Variants in CNTNAP5 observed in about 807,000 individuals in gnomAD.
CNTNAP5 encodes the protein contactin associated protein family member 5, also known as contactin-associated protein-like 5.
CNTNAP5 carries 72 observed loss-of-function variants against 150.2 expected under a neutral mutation model. The ratio of observed to expected loss-of-function variants is 0.48; its 90% confidence interval spans 0.40 to 0.58. CNTNAP5 has a LOEUF of 0.58. Among genes scored for constraint, CNTNAP5 ranks in the 20% least tolerant of loss-of-function variants. The pLI is 0.00. For synonymous variants in CNTNAP5, 672 were observed against 619.8 expected (o/e 1.08, Z -1.25); for missense variants, 1,636 against 1,626.2 (o/e 1.01, Z -0.10).
intron 11 of CNTNAP5, among the ~76,000 whole-genome samples, chr2:124,599,636 A>G (rs1215376682): frequency 6.6e-6 from 1 of 152,208 alleles, no homozygotes; most frequent in African/African-American, 2.4e-5. Context: ...AAATAGAAGT[A>G]CCAGTGAGAT....
At chr2:124,528,732 T>G (rs996548396) in intron 10 of CNTNAP5, among the ~76,000 whole-genome samples, 3 of 152,084 alleles carry the variant, frequency 2.0e-5, no homozygotes, top group Admixed American at 2.0e-4. Flanking sequence ...CCAGTGGGAT[T>G]TGGTTTCATG....
chr2:124,449,334 A>AT (rs1438042135), intron 6 of CNTNAP5, among the ~76,000 whole-genome samples: 8 of 151,756 alleles, frequency 5.3e-5, no homozygotes, highest in Non-Finnish European at 1.0e-4. Context: ...GAAAAGAGAT[A>AT]TTTTTTATAA....
At chr2:124,337,619 A>T (rs1297379602) in intron 3 of CNTNAP5, among the ~76,000 whole-genome samples, 1 of 152,210 alleles carries the variant, frequency 6.6e-6, no homozygotes, top group African/African-American at 2.4e-5. Flanking sequence ...ATCACCGTTT[A>T]TTAAATAGGG....
At chr2:124,163,153 G>A (rs140775058) in intron 1 of CNTNAP5, among the ~76,000 whole-genome samples, 8 of 151,986 alleles carry the variant, frequency 5.3e-5, no homozygotes, top group South Asian at 2.1e-4. Context: ...CTTTCATTTC[G>A]CAATGGTGGA....
chr2:124,192,450 C>T (rs1685482095), intron 1 of CNTNAP5, among the ~76,000 whole-genome samples: 1 of 152,124 alleles, frequency 6.6e-6, no homozygotes, highest in South Asian at 2.1e-4. Context: ...TTTCCATGCT[C>T]CCCATGCCCT....
intron 18 of CNTNAP5, among the ~76,000 whole-genome samples, chr2:124,796,006 C>G (rs1681837895): frequency 6.6e-6 from 1 of 151,958 alleles, no homozygotes; most frequent in African/African-American, 2.4e-5. Context: ...GTTTTAGATG[C>G]TCAGATAACT....
Position 124,619,662 on chromosome 2 carries a change from A to G in CNTNAP5, c.1876+9742A>G, listed in dbSNP as rs547215000. ...CTCATCCAATCAGTTGAAGGCCTTA[A>G]TAGAACAAACACTAACCTCTCCCAA... On this transcript the variant is annotated intron_variant, in intron 12 of 23. Coordinates refer to ENST00000682447, the MANE Select transcript of CNTNAP5 (RefSeq NM_001367498.1). Among the ~76,000 whole-genome samples, 11 of 151,830 alleles carry G rather than the reference A, an allele frequency of 7.2e-5. No homozygotes were observed. The South Asian group carries it at 2.3e-3, about 32-fold the overall frequency.
At chr2:124,496,999 C>G (rs764348700) in intron 7 of CNTNAP5, among the ~76,000 whole-genome samples, 1 of 152,188 alleles carries the variant, frequency 6.6e-6, no homozygotes, top group Non-Finnish European at 1.5e-5. Flanking sequence ...CCAGGTGACT[C>G]AAGGTCAGAC....
At chr2:124,776,368 C>T (rs1020326358) in intron 17 of CNTNAP5, among the ~76,000 whole-genome samples, 1 of 152,038 alleles carries the variant, frequency 6.6e-6, no homozygotes, top group Non-Finnish European at 1.5e-5. Context: ...GGGGAAAATA[C>T]TACACTGACT....
intron 3 of CNTNAP5, among the ~76,000 whole-genome samples, chr2:124,287,835 T>C (rs563247357): frequency 6.6e-6 from 1 of 152,298 alleles, no homozygotes; most frequent in South Asian, 2.1e-4. Context: ...AGCTACATCT[T>C]TTTTGCTTTA....
In CNTNAP5 at chr2:124,857,674, G is replaced by A. The variant is rs1278740143; in HGVS notation, c.3218-7632G>A. On this transcript the variant is annotated intron_variant, in intron 19 of 23. Coordinates refer to ENST00000682447, the MANE Select transcript of CNTNAP5 (RefSeq NM_001367498.1). ...AACCCTGTCTCCACTAAAAAAAAAA[G>A]AAAAAAAAATGAATAGTTAGCTGGG... is the stretch of plus-strand genomic sequence containing the variant. Among the ~76,000 whole-genome samples the A allele has an allele frequency of 1.7e-4, 26 of 149,776 alleles. No homozygotes were observed. In the South Asian group the frequency reaches 4.3e-3, roughly 25 times the overall value.
At chr2:124,034,973 C>T (rs1236190935) in intron 1 of CNTNAP5, among the ~76,000 whole-genome samples, 1 of 151,798 alleles carries the variant, frequency 6.6e-6, no homozygotes, top group Admixed American at 6.6e-5. Context: ...GTTATTAAGA[C>T]ATGTTATCCA....
chr2:124,444,514 G>A (rs1692761782), intron 5 of CNTNAP5, among the ~76,000 whole-genome samples: 1 of 152,120 alleles, frequency 6.6e-6, no homozygotes, highest in African/African-American at 2.4e-5. Flanking sequence ...AGAATCGCTT[G>A]AACCCAGGAG....
chr2:124,489,698 T>G (rs1251153903), intron 7 of CNTNAP5, among the ~76,000 whole-genome samples: 1 of 152,230 alleles, frequency 6.6e-6, no homozygotes, highest in South Asian at 2.1e-4. Flanking sequence ...GGTATCCAGA[T>G]CCTTCTGACC....
At chr2:124,872,735 GC>G (rs1339162382) in intron 21 of CNTNAP5, among the ~76,000 whole-genome samples, 1 of 151,684 alleles carries the variant, frequency 6.6e-6, no homozygotes, top group Non-Finnish European at 1.5e-5. Context: ...GGACCACAAA[GC>G]CCAGACCTTT....
chr2:124,124,680 A>T (rs1344274044), intron 1 of CNTNAP5, among the ~76,000 whole-genome samples: 3 of 152,230 alleles, frequency 2.0e-5, no homozygotes, highest in Non-Finnish European at 2.9e-5. Flanking sequence ...CGGGTTACCC[A>T]CAAAGGGAAG....
intron 3 of CNTNAP5, among the ~76,000 whole-genome samples, chr2:124,401,398 A>G (rs1183834346): frequency 6.6e-6 from 1 of 152,162 alleles, no homozygotes; most frequent in East Asian, 1.9e-4. Context: ...ACATAATATC[A>G]GTTGTCATAT....
intron 21 of CNTNAP5, among the ~76,000 whole-genome samples, chr2:124,902,436 A>AT (rs968495898): frequency 9.2e-5 from 14 of 152,054 alleles, no homozygotes; most frequent in Non-Finnish European, 1.3e-4. Flanking sequence ...CTACCTCTTT[A>AT]TTTTTTTTCT....
Position 124,914,235 on chromosome 2 carries a change from G to C in CNTNAP5, c.3871G>C (p.Glu1291Gln). The change falls in exon 24 of 24, where the codon GAA (glutamate) becomes CAA (glutamine). Residue 1291 changes from glutamate to glutamine, a missense_variant. Coordinates refer to ENST00000682447, the MANE Select transcript of CNTNAP5 (RefSeq NM_001367498.1). The part of the protein sequence containing the change: ...PENLDSSFRN[E>Q]IDLQNTVSEC... ...AAATTTGGACAGTTCCTTCAGAAAT[G>C]AAATTGACTTGCAAAACACAGTGAG... 6.2e-7 allele frequency: 1 copy of C among 1,612,556 alleles called. No homozygotes were observed. The highest frequency in any genetic ancestry group is 1.3e-5 in the African/African-American group (1 of 74,920).
Sources: allele counts gnomAD v4.1 joint callset (sites outside exome capture counted in the v4.1 genomes callset), GRCh38; gene constraint gnomAD v4.1.1; transcripts MANE v1.5; gene names NCBI Gene and HGNC (gene_info 2026-07-23, HGNC 2026-07-21).